MYOM3: variants seen among roughly 807,000 people sequenced by gnomAD.
MYOM3 encodes myomesin 3.
Under a neutral mutation model 191.7 loss-of-function variants are expected in MYOM3, and 155 were observed. That is an observed-to-expected ratio of 0.81 (90% confidence interval 0.71 to 0.92). The LOEUF (loss-of-function observed/expected upper bound fraction) is 0.92, where lower values mean the gene tolerates loss of function less well. Ranked by LOEUF, MYOM3 falls within the 40% of genes least tolerant of loss-of-function variation. The pLI is 0.00. For synonymous variants in MYOM3, 757 were observed against 762.9 expected, an observed-to-expected ratio of 0.99 and a Z score of 0.13; for missense variants, 1,889 against 1,890.6, an observed-to-expected ratio of 1.00 and a Z score of 0.02.
At chr1:24,106,923 G>T (rs903368413) in intron 4 of MYOM3, 150 bp downstream of exon 4, 6 of 760,712 alleles carry the variant, frequency 7.9e-6, no homozygotes, top group East Asian at 2.9e-5. Flanking sequence ...CTTGCCCGGG[G>T]TCACACCACT....
Position 24,105,949 on chromosome 1 carries a change from G to C in MYOM3, c.531C>G (p.Val177=). Residue 177 remains valine, a synonymous_variant, in exon 5 of 37, where the codon GTC becomes GTG. Coordinates refer to ENST00000374434, the MANE Select transcript of MYOM3 (RefSeq NM_152372.4). ...EHTTVLLTCT[V]QASPPPQVTW... ...TGACCTGGGGTGGTGGTGAGGCCTG[G>C]ACAGTGCAGGTCAGCAGGACCGTGG... The C allele has an allele frequency of 6.2e-7, 1 of 1,613,612 alleles. No homozygotes were observed. Among genetic ancestry groups the C allele is most frequent in the Non-Finnish European group, 8.5e-7 (1 of 1,179,828 alleles).
intron 11 of MYOM3, 61 bp from the exon 12 acceptor site, chr1:24,091,057 G>A: frequency 6.4e-7 from 1 of 1,571,700 alleles, no homozygotes; most frequent in South Asian, 1.1e-5. Flanking sequence ...CCCAATGTGA[G>A]CCTCTACAAG....
At chr1:24,078,415 A>G (rs12719819) in intron 20 of MYOM3, among the ~76,000 whole-genome samples, 61,606 of 152,034 alleles carry the variant, frequency 0.41, 12,786 homozygotes, top group East Asian at 0.43. Flanking sequence ...CGCCGTGCCC[A>G]GCCAAAATCT....
At chr1:24,075,230 C>A in intron 22 of MYOM3, 89 bp downstream of exon 22, 2 of 1,342,930 alleles carry the variant, frequency 1.5e-6, no homozygotes, top group Non-Finnish European at 2.1e-6. Context: ...ATGGGTCCTG[C>A]CCTGTGGTCT....
chr1:24,089,490 C>T (rs1415147062), intron 14 of MYOM3, 48 bp downstream of exon 14: 1 of 1,555,576 alleles, frequency 6.4e-7, no homozygotes, highest in East Asian at 2.3e-5. Flanking sequence ...TCCCACAGCA[C>T]ATCTGTTTCT....
chr1:24,060,776 GC>G (rs1017732634), intron 35 of MYOM3, among the ~76,000 whole-genome samples: 1 of 152,176 alleles, frequency 6.6e-6, no homozygotes, highest in Non-Finnish European at 1.5e-5. Context: ...GGGAAGGCCT[GC>G]CCAGCCTCAT....
At chr1:24,077,399 C>T (rs1643615457) in intron 20 of MYOM3, among the ~76,000 whole-genome samples, 1 of 152,174 alleles carries the variant, frequency 6.6e-6, no homozygotes, top group Non-Finnish European at 1.5e-5. Flanking sequence ...CCATCTGTCC[C>T]CTTCACTCCA....
chr1:24,097,417 T>C (rs982294325), intron 7 of MYOM3, among the ~76,000 whole-genome samples: 5 of 152,216 alleles, frequency 3.3e-5, no homozygotes, highest in African/African-American at 1.2e-4. Flanking sequence ...GTTTTCCATT[T>C]GCCAAGCCAT....
intron 6 of MYOM3, 63 bp downstream of exon 6, chr1:24,099,617 C>T: frequency 7.5e-7 from 1 of 1,334,468 alleles, no homozygotes; most frequent in Admixed American, 1.7e-5. Flanking sequence ...GTTTGGGATC[C>T]TGCTCTGGCC....
intron 35 of MYOM3, among the ~76,000 whole-genome samples, chr1:24,060,658 G>A (rs576078970): frequency 2.4e-3 from 365 of 152,290 alleles, no homozygotes; most frequent in Non-Finnish European, 4.2e-3. Flanking sequence ...CCCGGAGGCC[G>A]TGCCATGTGC....
At chr1:24,089,707 A>G in intron 13 of MYOM3, 42 bp from the exon 14 acceptor site, 1 of 1,537,294 alleles carries the variant, frequency 6.5e-7, no homozygotes. Flanking sequence ...TTGGACCCTC[A>G]GAGACCCCCT....
chr1:24,075,125 A>G (rs1485204246), intron 22 of MYOM3, among the ~76,000 whole-genome samples, 194 bp downstream of exon 22: 1 of 152,142 alleles, frequency 6.6e-6, no homozygotes, highest in African/African-American at 2.4e-5. Flanking sequence ...AAATAGCACC[A>G]TTGCAGCCGC....
intron 5 of MYOM3, among the ~76,000 whole-genome samples, chr1:24,102,982 A>G (rs1643950689): frequency 6.6e-6 from 1 of 152,148 alleles, no homozygotes; most frequent in African/African-American, 2.4e-5. Flanking sequence ...GATGTGATTG[A>G]TGATGGAAAA....
intron 12 of MYOM3, among the ~76,000 whole-genome samples, chr1:24,090,416 C>T (rs1643802820): frequency 6.6e-6 from 1 of 152,164 alleles, no homozygotes; most frequent in Admixed American, 6.5e-5. Context: ...CTAGCACACC[C>T]AAGTCAGCGT....
At chr1:24,068,609 G>A (rs1339109290) in intron 25 of MYOM3, among the ~76,000 whole-genome samples, 4 of 151,962 alleles carry the variant, frequency 2.6e-5, no homozygotes, top group Non-Finnish European at 5.9e-5. Context: ...CCTAGGCTGG[G>A]GTGCAGTGGA....
intron 28 of MYOM3, 120 bp from the exon 29 acceptor site, chr1:24,066,121 GCTGGCCT>G: frequency 1.3e-6 from 1 of 755,790 alleles, no homozygotes; most frequent in South Asian, 1.4e-5. Flanking sequence ...TGTCTCCTCT[GCTGGCCT>G]CTGGACTCTG....
intron 25 of MYOM3, among the ~76,000 whole-genome samples, 190 bp downstream of exon 25, chr1:24,070,927 C>G (rs1019813703): frequency 6.6e-6 from 1 of 152,066 alleles, no homozygotes; most frequent in Non-Finnish European, 1.5e-5. Context: ...CCAACCCCAC[C>G]CCCAACACCA....
At position 24,089,528 on chromosome 1, in the gene MYOM3, G is replaced by T; in HGVS notation, c.1614+10C>A. On this transcript the variant is annotated intron_variant, in intron 14 of 36. Coordinates refer to ENST00000374434, the MANE Select transcript of MYOM3 (RefSeq NM_152372.4). ...GGCTGGCCTGGGGCTGGGGCCTCGGGGTTCCCTACCTTCTCCAGGGAGTAC... is the reference window on the plus strand; with the variant it reads ...GGCTGGCCTGGGGCTGGGGCCTCGGTGTTCCCTACCTTCTCCAGGGAGTAC... 6.3e-7 allele frequency: 1 copy of T among 1,593,076 alleles called. No individual in the cohort carries two copies. The highest frequency in any genetic ancestry group is 8.6e-7 in the Non-Finnish European group (1 of 1,169,522).
At position 24,105,055 on chromosome 1, in the gene MYOM3, G is replaced by A. The variant is rs369231589; in HGVS notation, c.560+865C>T. ...CGCGGCCATGCCTACTCCAATGTGT[G>A]CCTGTGCAGGAGACCCCTGCCCCTG... is the stretch of plus-strand genomic sequence containing the variant. On this transcript the variant is annotated intron_variant, in intron 5 of 36. Coordinates refer to ENST00000374434, the MANE Select transcript of MYOM3 (RefSeq NM_152372.4). Among the ~76,000 whole-genome samples the A allele has an allele frequency of 7.6e-4, 115 of 152,292 alleles. No homozygotes were observed. The South Asian group carries it at 0.021, about 28-fold the overall frequency.
Sources: gnomAD v4.1 joint callset for allele counts (sites outside exome capture counted in the v4.1 genomes callset) on GRCh38, gnomAD v4.1.1 for gene constraint, MANE v1.5 for transcripts, NCBI Gene and HGNC (gene_info 2026-07-23, HGNC 2026-07-21) for gene names.